Variants in STXBP5L observed in about 807,000 individuals in gnomAD.
STXBP5L encodes syntaxin binding protein 5L.
A neutral mutation model predicts 144.5 loss-of-function variants in STXBP5L; 65 were observed. The ratio of observed to expected loss-of-function variants is 0.45; its 90% CI spans 0.37 to 0.55. The LOEUF (loss-of-function observed/expected upper bound fraction) is 0.55. STXBP5L is among the 20% of genes least tolerant of loss of function. STXBP5L has a pLI of 0.00. For missense variants in STXBP5L, 1,298 were observed against 1,405.5 expected (o/e 0.92, Z 1.22); for synonymous variants, 505 against 469.6 (o/e 1.08, Z -0.97).
chr3:121,190,868 C>T (rs1352305319), intron 9 of STXBP5L, among the ~76,000 whole-genome samples: 4 of 151,130 alleles, frequency 2.6e-5, no homozygotes, highest in East Asian at 2.0e-4. Context: ...GACGGGGTGG[C>T]GGCGGGGCAG....
intron 3 of STXBP5L, among the ~76,000 whole-genome samples, chr3:121,039,536 C>A (rs1560041038): frequency 6.6e-6 from 1 of 151,458 alleles, no homozygotes; most frequent in East Asian, 1.9e-4. Flanking sequence ...TTTAAATGTT[C>A]TTTTTTCCTT....
At chr3:121,004,518 T>G (rs1325133443) in intron 3 of STXBP5L, among the ~76,000 whole-genome samples, 8 of 151,778 alleles carry the variant, frequency 5.3e-5, no homozygotes, top group East Asian at 1.9e-4. Flanking sequence ...TGACTTCCTC[T>G]TTTCCTAATT....
At chr3:121,139,149 A>T (rs2045386904) in intron 7 of STXBP5L, among the ~76,000 whole-genome samples, 1 of 152,022 alleles carries the variant, frequency 6.6e-6, no homozygotes, top group Non-Finnish European at 1.5e-5. Context: ...ATATGGAAAG[A>T]ATGAGTTTTA....
chr3:121,401,862 T>A, intron 22 of STXBP5L, among the ~76,000 whole-genome samples: 1 of 126,284 alleles, frequency 7.9e-6, no homozygotes, highest in Non-Finnish European at 1.6e-5. Context: ...ACCTGCACAA[T>A]GTGCACATGT....
chr3:121,143,326 CATT>C (rs2045584270), intron 7 of STXBP5L, among the ~76,000 whole-genome samples: 2 of 147,606 alleles, frequency 1.4e-5, no homozygotes, highest in Admixed American at 1.3e-4. Context: ...AAGGGGAAAA[CATT>C]GTCATCAGCA....
rs186761154 is a variant in STXBP5L at position 121,363,105 on chromosome 3, C to G, written c.2177-15611C>G. On this transcript the variant is annotated intron_variant, in intron 20 of 26. Coordinates refer to ENST00000471454, the MANE Select transcript of STXBP5L (RefSeq NM_001308330.2). ...ATCCTGATGTGACTGAATTGGTATC[C>G]TAGATGCAAGACAAAGTCCTCTCCA... Among the ~76,000 whole-genome samples, 33 of 152,206 alleles carry G rather than the reference C, an allele frequency of 2.2e-4. No individual in the cohort carries two copies. The East Asian group carries it at 5.8e-3, about 27-fold the overall frequency.
At position 121,068,431 on chromosome 3, in the gene STXBP5L, TA is replaced by T. The variant is rs563377467; in HGVS notation, c.470+22899del. ...TTTTTTATTTTACTTTCTTTTTACT[TA>T]AACTTTTTATTATCCTATTTTTCTC... is the stretch of plus-strand genomic sequence containing the variant. On this transcript the variant is annotated intron_variant, in intron 5 of 26. Transcript: ENST00000471454. Among the ~76,000 whole-genome samples, 40 of 152,300 alleles carry T rather than the reference TA, an allele frequency of 2.6e-4. No homozygotes were observed. The East Asian group carries it at 6.0e-3, about 23-fold the overall frequency.
chr3:121,201,920 T>C (rs2048154275), intron 9 of STXBP5L, among the ~76,000 whole-genome samples: 1 of 152,194 alleles, frequency 6.6e-6, no homozygotes, highest in Admixed American at 6.5e-5. Context: ...CACACCTGGC[T>C]AATTCTTGTA....
intron 3 of STXBP5L, among the ~76,000 whole-genome samples, chr3:120,991,768 A>C (rs1387683275): frequency 1.3e-5 from 2 of 151,158 alleles, no homozygotes; most frequent in Non-Finnish European, 2.9e-5. Flanking sequence ...CAATGAGAAC[A>C]CATGGACACA....
intron 6 of STXBP5L, among the ~76,000 whole-genome samples, chr3:121,120,169 G>A (rs776885108): frequency 1.3e-4 from 19 of 151,186 alleles, no homozygotes; most frequent in Non-Finnish European, 2.1e-4. Flanking sequence ...CTAACTTATC[G>A]TAAAGTACAC....
intron 9 of STXBP5L, among the ~76,000 whole-genome samples, chr3:121,205,259 A>T (rs565687355): frequency 6.6e-6 from 1 of 152,320 alleles, no homozygotes; most frequent in African/African-American, 2.4e-5. Flanking sequence ...AAAGGCCAAG[A>T]TTGAGGGGCA....
chr3:121,276,812 C>T (rs1375761382), intron 18 of STXBP5L, among the ~76,000 whole-genome samples: 1 of 151,148 alleles, frequency 6.6e-6, no homozygotes, highest in African/African-American at 2.4e-5. Context: ...ATTATGATGC[C>T]TTTTTGTTTT....
intron 22 of STXBP5L, among the ~76,000 whole-genome samples, chr3:121,388,289 G>T (rs2046480923): frequency 6.6e-6 from 1 of 152,210 alleles, no homozygotes; most frequent in African/African-American, 2.4e-5. Context: ...AGCTTAAGGA[G>T]ATTTTGGGCT....
intron 3 of STXBP5L, among the ~76,000 whole-genome samples, chr3:120,977,949 C>T (rs1208036347): frequency 1.3e-5 from 2 of 152,200 alleles, no homozygotes; most frequent in Non-Finnish European, 2.9e-5. Flanking sequence ...TGTGGGTAAC[C>T]CGACCTTTGT....
intron 3 of STXBP5L, among the ~76,000 whole-genome samples, chr3:120,986,030 G>A (rs1190294067): frequency 6.6e-6 from 1 of 151,662 alleles, no homozygotes; most frequent in Non-Finnish European, 1.5e-5. Context: ...TTTTTAAAAA[G>A]TAAACTAAAA....
chr3:121,008,952 G>A (rs1008931041), intron 3 of STXBP5L, among the ~76,000 whole-genome samples: 1 of 151,444 alleles, frequency 6.6e-6, no homozygotes, highest in African/African-American at 2.4e-5. Context: ...TTACCAAGTG[G>A]GTGGTTGATC....
At chr3:121,384,509 T>C (rs567587724) in intron 22 of STXBP5L, among the ~76,000 whole-genome samples, 2 of 151,832 alleles carry the variant, frequency 1.3e-5, no homozygotes, top group Non-Finnish European at 2.9e-5. Context: ...AGAAAAAAAA[T>C]TTTTTTGAAA....
intron 3 of STXBP5L, among the ~76,000 whole-genome samples, chr3:120,996,505 A>G (rs535797969): frequency 1.3e-5 from 2 of 152,252 alleles, no homozygotes; most frequent in East Asian, 3.9e-4. Flanking sequence ...AACTTCAAGT[A>G]TACAACACAG....
intron 3 of STXBP5L, among the ~76,000 whole-genome samples, chr3:120,993,234 C>A (rs1310931448): frequency 6.6e-6 from 1 of 152,062 alleles, no homozygotes; most frequent in African/African-American, 2.4e-5. Context: ...GGATAGTTTG[C>A]AAATATGTTC....
Sources: allele counts gnomAD v4.1 joint callset (sites outside exome capture counted in the v4.1 genomes callset), GRCh38; gene constraint gnomAD v4.1.1; transcripts MANE v1.5; gene names NCBI Gene and HGNC (gene_info 2026-07-23, HGNC 2026-07-21).